KLHL9: variants seen among roughly 807,000 people sequenced by gnomAD.
The protein encoded by KLHL9 is kelch like family member 9, also known as kelch-like protein 9.
A neutral mutation model predicts 42.3 loss-of-function variants in KLHL9; 27 were observed. The ratio of observed to expected loss-of-function variants is 0.64; its 90% CI spans 0.47 to 0.88. KLHL9 has a LOEUF of 0.88. Among genes scored for constraint, KLHL9 ranks in the 40% least tolerant of loss-of-function variants. The pLI is 0.00. For missense variants in KLHL9, 629 were observed against 750.3 expected, an observed-to-expected ratio of 0.84 and a Z score of 1.89; for synonymous variants, 274 against 254.4, an observed-to-expected ratio of 1.08 and a Z score of -0.73.
Position 21,335,099 on chromosome 9 carries a change from G to T in KLHL9, c.-240C>A. The stretch of plus-strand genomic sequence containing the variant: ...TTATTAGACAGATGATTCATCACCT[G>T]AAGGCGGTTAAATGACCTGGTTCAC... On this transcript the variant is annotated 5_prime_UTR_variant, in exon 1 of 1. Transcript: ENST00000359039. 1.8e-6 allele frequency: 1 copy of T among 570,750 alleles called. No individual in the cohort carries two copies. The highest frequency in any genetic ancestry group is 3.1e-6 in the Non-Finnish European group (1 of 323,776). The allele number at this position is 570,750 out of a possible 1,614,324, so 35.4% of individuals were successfully genotyped here. A position where few individuals can be genotyped will look rare whatever the true frequency, so the allele number is the denominator to read the frequency against.
In KLHL9 at chr9:21,333,667, T is replaced by C. The variant is rs113463325; in HGVS notation, c.1193A>G (p.Lys398Arg). ...KRTFFHLSAL[K>R]GHLYAVGGRS... is the part of the protein sequence containing the mutation. ...CCCACCAACTGCATACAAATGTCCT[T>C]TGAGGGCACTCAAGTGAAAGAATGT... Residue 398 changes from lysine (K) to arginine (R), a missense_variant, in exon 1 of 1, where the codon AAA (lysine) becomes AGA (arginine). Around this residue, in one of 4 missense-constraint regions of KLHL9, gnomAD observed 214 missense variants for 305.8 expected, o/e 0.70. Coordinates refer to ENST00000359039, the MANE Select transcript of KLHL9 (RefSeq NM_018847.4). This position sits in a 1 kb window ranked among gnomAD's most constrained non-coding sequence, Gnocchi z 7.5. 6.2e-7 allele frequency: 1 copy of C among 1,614,104 alleles called. No individual in the cohort carries two copies. Among genetic ancestry groups the C allele is most frequent in the African/African-American group, 1.3e-5 (1 of 74,924 alleles).
Position 21,334,722 on chromosome 9 carries a change from T to G in KLHL9, c.138A>C (p.Glu46Asp). 1 of 1,613,632 alleles carries G rather than the reference T, an allele frequency of 6.2e-7. No individual in the cohort carries two copies. Among genetic ancestry groups the G allele is most frequent in the East Asian group, 2.2e-5 (1 of 44,864 alleles). Reference sequence around the variant, plus strand: ...CCAGGGTCACATCACAAAGCAATCCTTCTATTCTAAGCTGATCAAAGCCTT... The same window carrying G: ...CCAGGGTCACATCACAAAGCAATCCGTCTATTCTAAGCTGATCAAAGCCTT... The part of the protein sequence containing the change: ...VLQGFDQLRI[E>D]GLLCDVTLVP... The change falls in exon 1 of 1, where the codon GAA (glutamate) becomes GAC (aspartate). Residue 46 changes from glutamate (E) to aspartate (D), a missense_variant. Around this residue, in one of 4 missense-constraint regions of KLHL9, gnomAD observed 351 missense variants for 363.1 expected, o/e 0.97. Coordinates refer to ENST00000359039, the MANE Select transcript of KLHL9 (RefSeq NM_018847.4). This position sits in a 1 kb window ranked among gnomAD's most constrained non-coding sequence, Gnocchi z 5.1.
Position 21,331,944 on chromosome 9 carries a change from G to T in KLHL9, c.*1062C>A, listed in dbSNP as rs1484300610. 6.6e-6 allele frequency: 1 copy of T among 152,574 alleles called. No homozygotes were observed. The highest frequency in any genetic ancestry group is 1.5e-5 in the Non-Finnish European group (1 of 68,030). The allele number at this position is 152,574 out of a possible 1,614,324, so 9.5% of individuals were successfully genotyped here. ...CCAAATCACAAAATAATCATGTTAG[G>T]ATGACTAAGTTGGGAGGCTGAACTT... On this transcript the variant is annotated 3_prime_UTR_variant, in exon 1 of 1. Transcript: ENST00000359039.
Position 21,331,291 on chromosome 9 carries a change from A to G in KLHL9, c.*1715T>C, listed in dbSNP as rs1820165987. On this transcript the variant is annotated 3_prime_UTR_variant, in exon 1 of 1. Transcript: ENST00000359039. ...TAGTAATAAAAAACTGAGTAATTAA[A>G]AAAACATAGAAAGTATGAAAATTTC... The G allele has an allele frequency of 6.6e-6, 1 of 152,638 alleles. No individual in the cohort carries two copies. The highest frequency in any genetic ancestry group is 1.5e-5 in the Non-Finnish European group (1 of 68,036). 9.5% of individuals were successfully genotyped at this position (152,638 alleles called of 1,614,324 possible). A position where few individuals can be genotyped will look rare whatever the true frequency, so the allele number is the denominator to read the frequency against.
rs764764934 is a variant in KLHL9, at chr9:21,334,787, G to A, written c.73C>T (p.Arg25Cys). 3 of 1,612,984 alleles carry A rather than the reference G, an allele frequency of 1.9e-6. No individual in the cohort carries two copies. The highest frequency in any genetic ancestry group is 2.2e-5 in the South Asian group (2 of 90,942). Residue 25 changes from arginine to cysteine, a missense_variant, in exon 1 of 1, where the codon CGC becomes TGC. Arg to Cys is a radical substitution (Grantham distance 180). This residue lies in a region of KLHL9 where 351 missense variants were observed against 363.1 expected (regional missense o/e 0.97). Coordinates refer to ENST00000359039, the MANE Select transcript of KLHL9 (RefSeq NM_018847.4). The surrounding 1 kb of genome is among the most constrained non-coding windows in gnomAD (Gnocchi z 5.1). ...HLQPCKAGTT[R>C]FFTSNTHSSV... ...CTGTGAGTATTGCTGGTAAAAAAGC[G>A]TGTGGTTCCTGCCTTACAAGGCTGC...
rs1820136998 is a variant in KLHL9 at position 21,329,745 on chromosome 9, A to AGTACATAT, written c.*3260_*3261insATATGTAC. The AGTACATAT allele has an allele frequency of 6.6e-6, 1 of 150,656 alleles. No individual in the cohort carries two copies. Among genetic ancestry groups the AGTACATAT allele is most frequent in the South Asian group, 2.1e-4 (1 of 4,798 alleles). The allele number at this position is 150,656 out of a possible 1,614,324, so 9.3% of individuals were successfully genotyped here. ...TGGCATACTTGAAAAATATTTGACAAATGCCTGCACATATGTACGTATATA... is the reference window on the plus strand; with the variant it reads ...TGGCATACTTGAAAAATATTTGACAAGTACATATATGCCTGCACATATGTACGTATATA... On this transcript the variant is annotated 3_prime_UTR_variant, in exon 1 of 1. Coordinates refer to ENST00000359039, the MANE Select transcript of KLHL9 (RefSeq NM_018847.4).
chr9:21,334,710 A>G lies in KLHL9; in HGVS notation c.150T>C (p.Cys50=). The G allele has an allele frequency of 6.2e-7, 1 of 1,613,900 alleles. No individual in the cohort carries two copies. The highest frequency in any genetic ancestry group is 8.5e-7 in the Non-Finnish European group (1 of 1,179,828). ...FDQLRIEGLL[C]DVTLVPGDGD... is the part of the protein sequence containing the mutation. ...CATCACCTGGTACCAGGGTCACATC[A>G]CAAAGCAATCCTTCTATTCTAAGCT... Residue 50 remains cysteine (C), a synonymous_variant, in exon 1 of 1, where the codon TGT becomes TGC. Coordinates refer to ENST00000359039, the MANE Select transcript of KLHL9 (RefSeq NM_018847.4). This position sits in a 1 kb window ranked among gnomAD's most constrained non-coding sequence, Gnocchi z 5.1.
rs929998392 is a variant in KLHL9, at chr9:21,335,100, A to C, written c.-241T>G. The stretch of plus-strand genomic sequence containing the variant: ...TATTAGACAGATGATTCATCACCTG[A>C]AGGCGGTTAAATGACCTGGTTCACC... On this transcript the variant is annotated 5_prime_UTR_variant, in exon 1 of 1. Transcript: ENST00000359039. The C allele has an allele frequency of 1.2e-5, 7 of 568,338 alleles. No homozygotes were observed. The highest frequency in any genetic ancestry group is 1.9e-5 in the Non-Finnish European group (6 of 321,906). The allele number at this position is 568,338 out of a possible 1,614,324, so 35.2% of individuals were successfully genotyped here.
rs144648738 is a variant in KLHL9 at position 21,334,173 on chromosome 9, C to G, written c.687G>C (p.Arg229=). 7.1e-5 allele frequency: 114 copies of G among 1,614,064 alleles called. 2 individuals carry two copies. In the Middle Eastern group the frequency reaches 5.6e-3, roughly 79 times the overall value. The change falls in exon 1 of 1, where the codon CGG becomes CGC. Residue 229 remains arginine, a synonymous_variant. Coordinates refer to ENST00000359039, the MANE Select transcript of KLHL9 (RefSeq NM_018847.4). This position sits in a 1 kb window ranked among gnomAD's most constrained non-coding sequence, Gnocchi z 5.1. ...ACRWLRLEDP[R]MDYAAKLMKN... ...TCATTAACTTTGCAGCATAATCCAT[C>G]CGAGGGTCTTCCAACCTTAGCCAGC...
In KLHL9 at chr9:21,330,962, A is replaced by G. The variant is rs1820159360; in HGVS notation, c.*2044T>C. ...AAATTTGATCTCAAAAATTAACTGA[A>G]CAGCGTTGCCTTTGTAAAACTACAA... On this transcript the variant is annotated 3_prime_UTR_variant, in exon 1 of 1. Transcript: ENST00000359039. The G allele has an allele frequency of 6.6e-6, 1 of 152,632 alleles. No individual in the cohort carries two copies. Among genetic ancestry groups the G allele is most frequent in the African/African-American group, 2.4e-5 (1 of 41,450 alleles). 9.5% of individuals were successfully genotyped at this position (152,632 alleles called of 1,614,324 possible).
In KLHL9 at chr9:21,330,177, C is replaced by T. The variant is rs1253167847; in HGVS notation, c.*2829G>A. 6.6e-6 allele frequency: 1 copy of T among 152,114 alleles called. No individual in the cohort carries two copies. Among genetic ancestry groups the T allele is most frequent in the African/African-American group, 2.4e-5 (1 of 41,398 alleles). The allele number at this position is 152,114 out of a possible 1,614,324, so 9.4% of individuals were successfully genotyped here. A position where few individuals can be genotyped will look rare whatever the true frequency, so the allele number is the denominator to read the frequency against. On this transcript the variant is annotated 3_prime_UTR_variant, in exon 1 of 1. Transcript: ENST00000359039. ...GAATATTTGCATGTACATGACGTAT[C>T]CTGGGGGAGGGACCCAAGTCTAAAC... is the stretch of plus-strand genomic sequence containing the variant.
chr9:21,333,921 G>A lies in KLHL9; in HGVS notation c.939C>T (p.Val313=), dbSNP rs761330125. The part of the protein sequence containing the change: ...LGGVLRQQLV[V]SKELRMYDER... Reference sequence around the variant, plus strand: ...CATCATACATCCGTAATTCTTTACTGACAACCAGCTGCTGCCTCAAAACTC... The same window carrying A: ...CATCATACATCCGTAATTCTTTACTAACAACCAGCTGCTGCCTCAAAACTC... The change falls in exon 1 of 1, where the codon GTC becomes GTT. Residue 313 remains valine, a synonymous_variant. Coordinates refer to ENST00000359039, the MANE Select transcript of KLHL9 (RefSeq NM_018847.4). The surrounding 1 kb of genome is among the most constrained non-coding windows in gnomAD (Gnocchi z 7.5). The A allele has an allele frequency of 6.2e-7, 1 of 1,614,054 alleles. No homozygotes were observed.
Position 21,333,343 on chromosome 9 carries a change from G to C in KLHL9, c.1517C>G (p.Thr506Arg). ...GCTTAGAACATCATCATAATCACTT[G>C]TTCCTCTGAAGTGATTGCCACCAAT... is the stretch of plus-strand genomic sequence containing the variant. ...YVIGGNHFRG[T>R]SDYDDVLSCE... The change falls in exon 1 of 1, where the codon ACA becomes AGA. Residue 506 changes from threonine (T) to arginine (R), a missense_variant. Thr to Arg is a moderately conservative substitution (Grantham distance 71). Coordinates refer to ENST00000359039, the MANE Select transcript of KLHL9 (RefSeq NM_018847.4). The surrounding 1 kb of genome is among the most constrained non-coding windows in gnomAD (Gnocchi z 7.5). The C allele has an allele frequency of 6.2e-7, 1 of 1,614,202 alleles. No homozygotes were observed. The highest frequency in any genetic ancestry group is 8.5e-7 in the Non-Finnish European group (1 of 1,180,034).
chr9:21,334,881 A>T lies in KLHL9; in HGVS notation c.-22T>A. 1 of 1,613,884 alleles carries T rather than the reference A, an allele frequency of 6.2e-7. No individual in the cohort carries two copies. Among genetic ancestry groups the T allele is most frequent in the Non-Finnish European group, 8.5e-7 (1 of 1,179,974 alleles). On this transcript the variant is annotated 5_prime_UTR_variant, in exon 1 of 1. Transcript: ENST00000359039. The surrounding 1 kb of genome is among the most constrained non-coding windows in gnomAD (Gnocchi z 5.1). The stretch of plus-strand genomic sequence containing the variant: ...TCATGTGAAAGCTTTCCTCTTGCAC[A>T]GAGATGCAAGCCGGATAAAGAAGTT...
At position 21,334,555 on chromosome 9, in the gene KLHL9, C is replaced by T; in HGVS notation, c.305G>A (p.Gly102Asp). 2 of 1,614,176 alleles carry T rather than the reference C, an allele frequency of 1.2e-6. No individual in the cohort carries two copies. The highest frequency in any genetic ancestry group is 1.7e-6 in the Non-Finnish European group (2 of 1,180,036). ...AATAAAATCAATGATTTTCTTCAGA[C>T]CAACCTTGTTCACCCCATGAAGCTT... ...CIKLHGVNKV[G>D]LKKIIDFIYT... The change falls in exon 1 of 1, where the codon GGT (glycine) becomes GAT (aspartate). Residue 102 changes from glycine (G) to aspartate (D), a missense_variant. By Grantham distance (94) the Gly-to-Asp change is moderately conservative (BLOSUM62 -1). Transcript: ENST00000359039. This position sits in a 1 kb window ranked among gnomAD's most constrained non-coding sequence, Gnocchi z 5.1.
Position 21,333,508 on chromosome 9 carries a change from G to C in KLHL9, c.1352C>G (p.Ser451Ter), listed in dbSNP as rs1374297185. Residue 451 changes from serine (S) to a stop codon, truncating the protein, a stop_gained, in exon 1 of 1, where the codon TCA (serine) becomes TGA (stop). Transcript: ENST00000359039. LOFTEE classifies it high-confidence loss of function. The surrounding 1 kb of genome is among the most constrained non-coding windows in gnomAD (Gnocchi z 7.5). ...GTVYGGLMYISGGITHDTFQN... is the reference protein window; with the variant it reads ...GTVYGGLMYI ...GAAAGTGTCATGGGTAATTCCTCCT[G>C]AAATATACATTAAGCCTCCATATAC... 2 of 1,614,058 alleles carry C rather than the reference G, an allele frequency of 1.2e-6. No individual in the cohort carries two copies. The highest frequency in any genetic ancestry group is 1.7e-6 in the Non-Finnish European group (2 of 1,180,046).
In KLHL9 at chr9:21,333,385, C is replaced by G. The variant is rs1269872164; in HGVS notation, c.1475G>C (p.Gly492Ala). Reference protein sequence around the residue: ...VRGLHCMCTVGDKLYVIGGNH... With the variant: ...VRGLHCMCTVADKLYVIGGNH... The stretch of plus-strand genomic sequence containing the variant: ...GCCACCAATGACATAGAGCTTATCT[C>G]CAACTGTACACATGCAATGCAGACC... Residue 492 changes from glycine (G) to alanine (A), a missense_variant, in exon 1 of 1, where the codon GGA (glycine) becomes GCA (alanine). By Grantham distance (60) the Gly-to-Ala change is moderately conservative. Transcript: ENST00000359039. This position sits in a 1 kb window ranked among gnomAD's most constrained non-coding sequence, Gnocchi z 7.5. 1 of 1,614,218 alleles carries G rather than the reference C, an allele frequency of 6.2e-7. No homozygotes were observed. The highest frequency in any genetic ancestry group is 1.1e-5 in the South Asian group (1 of 91,086).
In KLHL9 at chr9:21,333,955, G is replaced by A; in HGVS notation, c.905C>T (p.Thr302Ile). Residue 302 changes from threonine to isoleucine, a missense_variant, in exon 1 of 1, where the codon ACA becomes ATA. By Grantham distance (89) the Thr-to-Ile change is moderately conservative (BLOSUM62 -1). Around this residue, in one of 4 missense-constraint regions of KLHL9, gnomAD observed 214 missense variants for 305.8 expected, o/e 0.70. Transcript: ENST00000359039. The surrounding 1 kb of genome is among the most constrained non-coding windows in gnomAD (Gnocchi z 7.5). ...AIRSDSTHLV[T>I]LGGVLRQQLV... ...CTGCTGCCTCAAAACTCCTCCTAAT[G>A]TAACCAAGTGAGTGGAGTCAGATCG... 6.2e-7 allele frequency: 1 copy of A among 1,614,170 alleles called. No homozygotes were observed. Among genetic ancestry groups the A allele is most frequent in the Non-Finnish European group, 8.5e-7 (1 of 1,180,024 alleles).
chr9:21,330,363 C>T lies in KLHL9; in HGVS notation c.*2643G>A, dbSNP rs555792679. 6.6e-6 allele frequency: 1 copy of T among 152,338 alleles called. No homozygotes were observed. Among genetic ancestry groups the T allele is most frequent in the African/African-American group, 2.4e-5 (1 of 41,578 alleles). The allele number at this position is 152,338 out of a possible 1,614,324, so 9.4% of individuals were successfully genotyped here. A position where few individuals can be genotyped will look rare whatever the true frequency, so the allele number is the denominator to read the frequency against. On this transcript the variant is annotated 3_prime_UTR_variant, in exon 1 of 1. Transcript: ENST00000359039. ...TGTGGAATTTTCTACTTGTGGCATC[C>T]TGTTGGCCCTCAAAAAGTTTTAAAT...
Sources: gnomAD v4.1 joint callset for allele counts on GRCh38, gnomAD v4.1.1 for gene constraint, gnomAD v4.1.1 regional missense constraint, Gnocchi (gnomAD v3.1) non-coding constraint, MANE v1.5 for transcripts, NCBI Gene and HGNC (gene_info 2026-07-23, HGNC 2026-07-21) for gene names.